Variants in MRPS27 observed in about 807,000 individuals in gnomAD.
The protein encoded by MRPS27 is mitochondrial ribosomal protein S27, also known as small ribosomal subunit protein mS27.
MRPS27 carries 43 observed loss-of-function variants against 48.9 expected under a neutral mutation model. The observed-to-expected ratio is 0.88, with a 90% CI of 0.69 to 1.13. The LOEUF is 1.13. Ranked by LOEUF, MRPS27 falls within the 50% of genes most tolerant of loss-of-function variation. The pLI, the probability that MRPS27 is intolerant of heterozygous loss-of-function variation, is 0.00. For missense variants in MRPS27, 467 were observed against 476.3 expected (o/e 0.98, Z 0.18); for synonymous variants, 188 against 171.9 (o/e 1.09, Z -0.73).
intron 4 of MRPS27, chr5:72,294,529 G>A (rs938536728): frequency 4.6e-5 from 7 of 152,172 alleles, no homozygotes; most frequent in Admixed American, 3.3e-4. Flanking sequence ...AAATTTAGTT[G>A]TAAGGTACAA....
chr5:72,271,391 C>T (rs2112017848), intron 4 of MRPS27, among the ~76,000 whole-genome samples: 2 of 152,250 alleles, frequency 1.3e-5, no homozygotes, highest in Non-Finnish European at 2.9e-5. Context: ...ATATAACATA[C>T]TTTAAAATAC....
intron 4 of MRPS27, among the ~76,000 whole-genome samples, chr5:72,266,762 A>C (rs1749116212): frequency 6.6e-6 from 1 of 152,164 alleles, no homozygotes; most frequent in Non-Finnish European, 1.5e-5. Flanking sequence ...CGGGAGGCTG[A>C]GGCAGAAGAA....
chr5:72,311,608 T>G (rs1473339353), intron 2 of MRPS27, among the ~76,000 whole-genome samples: 1 of 152,178 alleles, frequency 6.6e-6, no homozygotes, highest in African/African-American at 2.4e-5. Flanking sequence ...GCTAGCATGC[T>G]CAGCCCCCTC....
chr5:72,262,517 TA>T (rs989743409), intron 4 of MRPS27, among the ~76,000 whole-genome samples: 1 of 152,116 alleles, frequency 6.6e-6, no homozygotes, highest in African/African-American at 2.4e-5. Flanking sequence ...GATACAAAGG[TA>T]AATATGGCAG....
intron 4 of MRPS27, among the ~76,000 whole-genome samples, chr5:72,241,924 T>C (rs572964640): frequency 2.0e-5 from 3 of 152,274 alleles, no homozygotes; most frequent in South Asian, 4.1e-4. Context: ...CATGTGAGTG[T>C]AGAAAAGAGA....
At chr5:72,291,982 T>A (rs1749831689) in intron 4 of MRPS27, among the ~76,000 whole-genome samples, 1 of 152,240 alleles carries the variant, frequency 6.6e-6, no homozygotes, top group Admixed American at 6.5e-5. Flanking sequence ...TTTCCCAACC[T>A]CCCGGCTTAA....
intron 4 of MRPS27, among the ~76,000 whole-genome samples, chr5:72,267,202 A>T (rs1374385896): frequency 6.6e-6 from 1 of 152,206 alleles, no homozygotes; most frequent in Non-Finnish European, 1.5e-5. Context: ...TCCAATTCCA[A>T]TCTAGTGCTT....
intron 7 of MRPS27, among the ~76,000 whole-genome samples, chr5:72,229,919 C>A (rs1748007891): frequency 6.6e-6 from 1 of 152,006 alleles, no homozygotes; most frequent in South Asian, 2.1e-4. Context: ...AGGGTCTTGC[C>A]CTATTGCCCA....
At position 72,288,164 on chromosome 5, in the gene MRPS27, C is replaced by A. The variant is rs559157040; in HGVS notation, c.281+7367G>T. On this transcript the variant is annotated intron_variant, in intron 4 of 10. Coordinates refer to ENST00000261413, the MANE Select transcript of MRPS27 (RefSeq NM_015084.3). Reference sequence around the variant, plus strand: ...TGAGGCTCCAGATGAAATAATAAGACCAGTGGGAAGAGAAGTAGAGTCTGA... The same window carrying A: ...TGAGGCTCCAGATGAAATAATAAGAACAGTGGGAAGAGAAGTAGAGTCTGA... Among the ~76,000 whole-genome samples, 4 of 151,870 alleles carry A rather than the reference C, an allele frequency of 2.6e-5. No individual in the cohort carries two copies. The South Asian group carries it at 8.3e-4, about 32-fold the overall frequency.
At chr5:72,269,708 G>C (rs1398221617) in intron 4 of MRPS27, among the ~76,000 whole-genome samples, 1 of 152,122 alleles carries the variant, frequency 6.6e-6, no homozygotes, top group African/African-American at 2.4e-5. Context: ...ACACACGTGT[G>C]GGGGATATGT....
chr5:72,232,638 C>A, intron 6 of MRPS27, 80 bp from the exon 7 acceptor site: 1 of 984,892 alleles, frequency 1.0e-6, no homozygotes, highest in Non-Finnish European at 1.5e-6. Flanking sequence ...TATAAACACT[C>A]TTAAAACGTG....
chr5:72,235,416 C>T (rs1314511981), intron 5 of MRPS27, among the ~76,000 whole-genome samples: 1 of 152,086 alleles, frequency 6.6e-6, no homozygotes, highest in Non-Finnish European at 1.5e-5. Flanking sequence ...GATGATACTA[C>T]AATGGTGGAT....
chr5:72,306,725 T>C (rs1750277775), intron 2 of MRPS27, among the ~76,000 whole-genome samples: 1 of 152,210 alleles, frequency 6.6e-6, no homozygotes, highest in Admixed American at 6.5e-5. Context: ...AGTACTAGTT[T>C]TTTAGAATAG....
chr5:72,251,644 T>A (rs1748669710), intron 4 of MRPS27, among the ~76,000 whole-genome samples: 1 of 152,176 alleles, frequency 6.6e-6, no homozygotes, highest in African/African-American at 2.4e-5. Context: ...CTGGTTGAGG[T>A]AGACAGCTAA....
At chr5:72,286,051 T>G (rs920619945) in intron 4 of MRPS27, among the ~76,000 whole-genome samples, 3 of 152,264 alleles carry the variant, frequency 2.0e-5, no homozygotes, top group Non-Finnish European at 2.9e-5. Flanking sequence ...GAATGACTTT[T>G]GCAAAATCAG....
intron 2 of MRPS27, among the ~76,000 whole-genome samples, chr5:72,299,345 AGG>A (rs1750070492): frequency 6.6e-6 from 1 of 151,128 alleles, no homozygotes; most frequent in Admixed American, 6.6e-5. Flanking sequence ...TGGGATGGGG[AGG>A]GGCGGGGAAA....
chr5:72,281,170 T>C (rs2112033716), intron 4 of MRPS27, among the ~76,000 whole-genome samples: 2 of 152,352 alleles, frequency 1.3e-5, no homozygotes, highest in East Asian at 3.9e-4. Context: ...TACTCCTTGC[T>C]TCTCCCGATG....
rs1207429374 is a variant in MRPS27 at position 72,232,483 on chromosome 5, T to G, written c.551A>C (p.Tyr184Ser). ...EVPSTQLLSL[Y>S]VLFHCLAKKT... is the part of the protein sequence containing the mutation. Reference sequence around the variant, plus strand: ...CTTTGCCAGGCAATGAAATAAAACATAGAGGGAGAGAAGTTGGGTGGAAGG... The same window carrying G: ...CTTTGCCAGGCAATGAAATAAAACAGAGAGGGAGAGAAGTTGGGTGGAAGG... The change falls in exon 7 of 11, where the codon TAT becomes TCT. Residue 184 changes from tyrosine to serine, a missense_variant. Physicochemically the swap from Tyr to Ser is moderately radical, Grantham distance 144 (BLOSUM62 -2). Transcript: ENST00000261413. 1.9e-6 allele frequency: 3 copies of G among 1,612,272 alleles called. No individual in the cohort carries two copies. The highest frequency in any genetic ancestry group is 2.5e-6 in the Non-Finnish European group (3 of 1,179,006).
chr5:72,225,220 A>G (rs767627483), intron 9 of MRPS27, among the ~76,000 whole-genome samples: 7 of 152,236 alleles, frequency 4.6e-5, no homozygotes, highest in Admixed American at 2.6e-4. Context: ...TTCACTAGAC[A>G]TAAGTATAAG....
Sources: gnomAD v4.1 joint callset for allele counts (sites outside exome capture counted in the v4.1 genomes callset) on GRCh38, gnomAD v4.1.1 for gene constraint, MANE v1.5 for transcripts, NCBI Gene and HGNC (gene_info 2026-07-23, HGNC 2026-07-21) for gene names.